The following PLXDC2 variants were observed in gnomAD, a reference collection of about 807,000 sequenced individuals.
The protein encoded by PLXDC2 is plexin domain-containing protein 2.
Under a neutral mutation model 68.9 loss-of-function variants are expected in PLXDC2, and 40 were observed. The observed-to-expected ratio is 0.58, with a 90% CI of 0.45 to 0.76. The LOEUF (loss-of-function observed/expected upper bound fraction) is 0.76, where lower values mean the gene tolerates loss of function less well. Among genes scored for constraint, PLXDC2 ranks in the 30% least tolerant of loss-of-function variants. The pLI, the probability that PLXDC2 is intolerant of heterozygous loss-of-function variation, is 0.00. For synonymous variants in PLXDC2, 243 were observed against 234.2 expected (o/e 1.04, Z -0.34); for missense variants, 644 against 661.9 (o/e 0.97, Z 0.30).
At chr10:20,052,722 C>CAAA (rs59776582) in intron 3 of PLXDC2, among the ~76,000 whole-genome samples, 2 of 92,840 alleles carry the variant, frequency 2.2e-5, no homozygotes, top group African/African-American at 3.8e-5. Flanking sequence ...ACAAATTATG[C>CAAA]AAAAAAAAAA....
Position 20,156,371 on chromosome 10 carries a change from C to A in PLXDC2, c.784-8097C>A, listed in dbSNP as rs145518916. ...ACACGTTTGTAAAACAGATATGTTG[C>A]CGACATCTAAATATTAAAATATTTC... On this transcript the variant is annotated intron_variant, in intron 6 of 13. Coordinates refer to ENST00000377252, the MANE Select transcript of PLXDC2 (RefSeq NM_032812.9). Among the ~76,000 whole-genome samples, 162 of 152,202 alleles carry A rather than the reference C, an allele frequency of 1.1e-3. 2 individuals are homozygous for A. Among genetic ancestry groups the A allele is most frequent in the African/African-American group, 3.9e-3 (160 of 41,526 alleles).
At chr10:20,137,576 G>T (rs1174667719) in intron 4 of PLXDC2, among the ~76,000 whole-genome samples, 1 of 152,210 alleles carries the variant, frequency 6.6e-6, no homozygotes, top group African/African-American at 2.4e-5. Context: ...CCACCACCCT[G>T]CTCTAAGGCA....
intron 2 of PLXDC2, among the ~76,000 whole-genome samples, chr10:20,035,701 A>C (rs1477875709): frequency 1.3e-5 from 2 of 152,166 alleles, no homozygotes; most frequent in Non-Finnish European, 2.9e-5. Context: ...GTCTAAAATA[A>C]ATAAATAAAA....
intron 7 of PLXDC2, among the ~76,000 whole-genome samples, chr10:20,167,567 C>G (rs1268148763): frequency 6.6e-6 from 1 of 151,992 alleles, no homozygotes; most frequent in Non-Finnish European, 1.5e-5. Context: ...ACTTTTTTAC[C>G]CCCACCAAGT....
chr10:20,085,705 C>G (rs971954785), intron 4 of PLXDC2, among the ~76,000 whole-genome samples: 2 of 152,118 alleles, frequency 1.3e-5, no homozygotes, highest in Non-Finnish European at 2.9e-5. Flanking sequence ...CAGTTAAGAC[C>G]TTCTGACACT....
At chr10:20,191,203 G>A (rs1038589182) in intron 9 of PLXDC2, among the ~76,000 whole-genome samples, 4 of 151,786 alleles carry the variant, frequency 2.6e-5, no homozygotes, top group African/African-American at 4.8e-5. Context: ...GTTGAACAAA[G>A]GTCAACATTT....
chr10:20,059,094 A>C (rs1589609263), intron 3 of PLXDC2, among the ~76,000 whole-genome samples: 1 of 152,250 alleles, frequency 6.6e-6, no homozygotes, highest in East Asian at 1.9e-4. Context: ...TGTAACAAGA[A>C]CCCTAGGTGA....
intron 13 of PLXDC2, among the ~76,000 whole-genome samples, chr10:20,248,627 C>T (rs988187046): frequency 2.0e-5 from 3 of 152,104 alleles, no homozygotes; most frequent in Admixed American, 6.6e-5. Flanking sequence ...TGGGGTCATG[C>T]GGCTCACAGT....
chr10:20,008,651 GT>G (rs1835064278), intron 2 of PLXDC2, among the ~76,000 whole-genome samples: 1 of 152,312 alleles, frequency 6.6e-6, no homozygotes, highest in South Asian at 2.1e-4. Flanking sequence ...TCCATGTTAT[GT>G]TTGCGGTATA....
intron 9 of PLXDC2, among the ~76,000 whole-genome samples, chr10:20,198,680 T>A (rs970077991): frequency 6.6e-6 from 1 of 152,142 alleles, no homozygotes; most frequent in African/African-American, 2.4e-5. Flanking sequence ...AAAAATTATA[T>A]CTCTGATGAG....
intron 1 of PLXDC2, among the ~76,000 whole-genome samples, chr10:19,932,466 A>G (rs897896889): frequency 3.3e-5 from 5 of 152,198 alleles, no homozygotes; most frequent in East Asian, 1.9e-4. Context: ...ATAAACATGC[A>G]CTTTCATAGA....
At chr10:20,199,171 A>G (rs542913747) in intron 9 of PLXDC2, among the ~76,000 whole-genome samples, 2 of 152,196 alleles carry the variant, frequency 1.3e-5, no homozygotes, top group Non-Finnish European at 2.9e-5. Context: ...TAGCACTGGT[A>G]CTGAAGATCA....
intron 1 of PLXDC2, among the ~76,000 whole-genome samples, chr10:19,953,991 G>A (rs544787413): frequency 6.6e-6 from 1 of 152,216 alleles, no homozygotes; most frequent in Non-Finnish European, 1.5e-5. Flanking sequence ...TTTAAATCAT[G>A]TTAAAAACTT....
intron 1 of PLXDC2, among the ~76,000 whole-genome samples, chr10:19,848,119 A>G (rs36004380): frequency 0.13 from 19,801 of 152,130 alleles, 1,663 homozygotes; most frequent in Non-Finnish European, 0.19. Context: ...CAGGACTTTG[A>G]GACCCCATCT....
At chr10:19,846,705 A>G (rs182567360) in intron 1 of PLXDC2, among the ~76,000 whole-genome samples, 2 of 152,270 alleles carry the variant, frequency 1.3e-5, no homozygotes, top group Admixed American at 1.3e-4. Flanking sequence ...AGAGGGAAAC[A>G]TGGAAGGACA....
chr10:19,865,798 A>T (rs1837402989), intron 1 of PLXDC2, among the ~76,000 whole-genome samples: 1 of 152,210 alleles, frequency 6.6e-6, no homozygotes, highest in South Asian at 2.1e-4. Context: ...AGATTTCTGT[A>T]AGCTCTCTTT....
intron 1 of PLXDC2, among the ~76,000 whole-genome samples, chr10:19,953,421 G>A (rs986897574): frequency 5.3e-5 from 8 of 152,234 alleles, no homozygotes; most frequent in South Asian, 4.1e-4. Context: ...AAGTTCACAC[G>A]TGCTTGTTTG....
chr10:20,162,074 AGGAAG>A (rs1834305905), intron 6 of PLXDC2, among the ~76,000 whole-genome samples: 1 of 61,618 alleles, frequency 1.6e-5, no homozygotes, highest in Non-Finnish European at 3.6e-5. Flanking sequence ...GAGAGAGAGA[AGGAAG>A]GAAGGAAGGA....
intron 1 of PLXDC2, among the ~76,000 whole-genome samples, chr10:19,943,761 T>C (rs1833857334): frequency 6.6e-6 from 1 of 152,218 alleles, no homozygotes; most frequent in Non-Finnish European, 1.5e-5. Context: ...AACAGTCTCA[T>C]CTTGTCCTTT....
Sources: allele counts gnomAD v4.1 joint callset (sites outside exome capture counted in the v4.1 genomes callset), GRCh38; gene constraint gnomAD v4.1.1; transcripts MANE v1.5; gene names NCBI Gene and HGNC (gene_info 2026-07-23, HGNC 2026-07-21).